The following EDC4 variants were observed in gnomAD, a reference collection of about 807,000 sequenced individuals.
EDC4 encodes the protein enhancer of mRNA-decapping protein 4.
EDC4 carries 64 observed loss-of-function variants against 155.8 expected under a neutral mutation model. That is an observed-to-expected ratio of 0.41 (90% confidence interval 0.34 to 0.51). The LOEUF (loss-of-function observed/expected upper bound fraction) is 0.51, where lower values mean the gene tolerates loss of function less well. Among genes scored for constraint, EDC4 ranks in the 20% least tolerant of loss-of-function variants. The pLI is 0.19. For missense variants in EDC4, 1,303 were observed against 1,812.5 expected, an observed-to-expected ratio of 0.72 and a Z score of 5.10; for synonymous variants, 684 against 716.8, an observed-to-expected ratio of 0.95 and a Z score of 0.73.
intron 1 of EDC4, among the ~76,000 whole-genome samples, chr16:67,873,654 C>A (rs956090701): frequency 6.6e-6 from 1 of 152,176 alleles, no homozygotes; most frequent in Non-Finnish European, 1.5e-5. Context: ...ACTGGCCTAG[C>A]TCCTCTTCCC....
At position 67,880,882 on chromosome 16, in the gene EDC4, C is replaced by A; in HGVS notation, c.2423C>A (p.Pro808His). ...GPGDGDRHNT[P>H]SLLEAALTQE... ...GGGGATGGAGATCGGCATAATACCCCCTCCCTCCTGGAGGCAGCCTTGACC... is the reference window on the plus strand; with the variant it reads ...GGGGATGGAGATCGGCATAATACCCACTCCCTCCTGGAGGCAGCCTTGACC... Residue 808 changes from proline (P) to histidine (H), a missense_variant, in exon 18 of 29, where the codon CCC becomes CAC. By Grantham distance (77) the Pro-to-His change is moderately conservative. Coordinates refer to ENST00000358933, the MANE Select transcript of EDC4 (RefSeq NM_014329.5). The surrounding 1 kb of genome is among the most constrained non-coding windows in gnomAD (Gnocchi z 5.2). 6.2e-7 allele frequency: 1 copy of A among 1,613,974 alleles called. No individual in the cohort carries two copies. Among genetic ancestry groups the A allele is most frequent in the Non-Finnish European group, 8.5e-7 (1 of 1,179,996 alleles).
Position 67,876,511 on chromosome 16 carries a change from C to G in EDC4, c.263C>G (p.Ser88Cys), listed in dbSNP as rs755334363. The G allele has an allele frequency of 1.9e-6, 3 of 1,614,140 alleles. No homozygotes were observed. The South Asian group carries it at 3.3e-5, about 18-fold the overall frequency. ...QVICLSGDDS[S>C]TCIGILAKEV... Reference sequence around the variant, plus strand: ...AGCTGTCTCTCAGGAGATGATAGCTCCACCTGCATTGGGATTTTGGCCAAG... The same window carrying G: ...AGCTGTCTCTCAGGAGATGATAGCTGCACCTGCATTGGGATTTTGGCCAAG... Residue 88 changes from serine (S) to cysteine (C), a missense_variant, in exon 3 of 29, where the codon TCC becomes TGC. Coordinates refer to ENST00000358933, the MANE Select transcript of EDC4 (RefSeq NM_014329.5). This position sits in a 1 kb window ranked among gnomAD's most constrained non-coding sequence, Gnocchi z 5.8.
Position 67,880,348 on chromosome 16 carries a change from C to A in EDC4, c.2097+132C>A. On this transcript the variant is annotated intron_variant, in intron 17 of 28. Coordinates refer to ENST00000358933, the MANE Select transcript of EDC4 (RefSeq NM_014329.5). This position sits in a 1 kb window ranked among gnomAD's most constrained non-coding sequence, Gnocchi z 5.2. The stretch of plus-strand genomic sequence containing the variant: ...GACATGGTCCGTGTTTCCCTGAGGT[C>A]ATTTCACCCTCCTGTGTTTCCTGGT... 2 of 1,413,306 alleles carry A rather than the reference C, an allele frequency of 1.4e-6. No homozygotes were observed. Among genetic ancestry groups the A allele is most frequent in the Non-Finnish European group, 1.9e-6 (2 of 1,057,570 alleles). The allele number at this position is 1,413,306 out of a possible 1,614,324, so 87.5% of individuals were successfully genotyped here.
rs1204309493 is a variant in EDC4 at position 67,883,922 on chromosome 16, C to T, written c.4014-34C>T. 1 of 1,562,000 alleles carries T rather than the reference C, an allele frequency of 6.4e-7. No homozygotes were observed. Among genetic ancestry groups the T allele is most frequent in the Admixed American group, 1.8e-5 (1 of 54,860 alleles). ...GGGGGCGCTCCCGTCTGCTGGCACC[C>T]ACCTGTAGCCTGTCCTTTCCCCCCC... On this transcript the variant is annotated intron_variant, in intron 28 of 28. Coordinates refer to ENST00000358933, the MANE Select transcript of EDC4 (RefSeq NM_014329.5). This position sits in a 1 kb window ranked among gnomAD's most constrained non-coding sequence, Gnocchi z 5.3.
At chr16:67,874,955 C>T (rs564368047) in intron 1 of EDC4, among the ~76,000 whole-genome samples, 1 of 152,180 alleles carries the variant, frequency 6.6e-6, no homozygotes, top group Non-Finnish European at 1.5e-5. Context: ...ATTAGGTGAG[C>T]TGTAATCCCA....
intron 1 of EDC4, among the ~76,000 whole-genome samples, chr16:67,873,973 GA>G (rs2058032021): frequency 6.6e-6 from 1 of 152,168 alleles, no homozygotes; most frequent in Admixed American, 6.5e-5. Flanking sequence ...TGATACCTCA[GA>G]ACTAGTCTTG....
In EDC4 at chr16:67,873,356, T is replaced by G; in HGVS notation, c.82+13T>G. 7.0e-7 allele frequency: 1 copy of G among 1,438,070 alleles called. No homozygotes were observed. The highest frequency in any genetic ancestry group is 9.1e-7 in the Non-Finnish European group (1 of 1,100,246). The allele number at this position is 1,438,070 out of a possible 1,614,324, so 89.1% of individuals were successfully genotyped here. The stretch of plus-strand genomic sequence containing the variant: ...CGGCCCGCGGGCGGTGAGCGGGGGT[T>G]GCGGGGGTGGGCCCCAGGCGAGCTG... On this transcript the variant is annotated intron_variant, in intron 1 of 28. Coordinates refer to ENST00000358933, the MANE Select transcript of EDC4 (RefSeq NM_014329.5).
Position 67,881,735 on chromosome 16 carries a change from G to A in EDC4, c.2894G>A (p.Arg965Gln), listed in dbSNP as rs763409752. 21 of 1,613,956 alleles carry A rather than the reference G, an allele frequency of 1.3e-5. No individual in the cohort carries two copies. Among genetic ancestry groups the A allele is most frequent in the South Asian group, 7.7e-5 (7 of 91,088 alleles). ...CAGCAGAGAGAGCTGGCAGAGCTGC[G>A]GCACAGCCAGGAAGAGCTGCTGCAG... is the stretch of plus-strand genomic sequence containing the variant. ...WQQQRELAEL[R>Q]HSQEELLQRL... is the part of the protein sequence containing the mutation. Residue 965 changes from arginine to glutamine, a missense_variant, in exon 22 of 29, where the codon CGG (arginine) becomes CAG (glutamine). Arg to Gln is a conservative substitution (Grantham distance 43). Transcript: ENST00000358933. The surrounding 1 kb of genome is among the most constrained non-coding windows in gnomAD (Gnocchi z 5.4).
intron 1 of EDC4, among the ~76,000 whole-genome samples, chr16:67,873,773 TC>T (rs2058031115): frequency 6.6e-6 from 1 of 152,128 alleles, no homozygotes; most frequent in Non-Finnish European, 1.5e-5. Flanking sequence ...CTTGCCCTTC[TC>T]TCTGGAATAA....
Position 67,883,994 on chromosome 16 carries a change from A to AC in EDC4, c.4056dup (p.Ile1353HisfsTer24). ...GCCGTGATGCACCTGGACCACAGTGACCCCATCACTCGGGACCACATGGGC... is the reference window on the plus strand; with the variant it reads ...GCCGTGATGCACCTGGACCACAGTGACCCCCATCACTCGGGACCACATGGGC... On this transcript the variant is annotated frameshift_variant, in exon 29 of 29. Transcript: ENST00000358933. LOFTEE classifies it high-confidence loss of function. This position sits in a 1 kb window ranked among gnomAD's most constrained non-coding sequence, Gnocchi z 5.3. 1 of 1,613,150 alleles carries AC rather than the reference A, an allele frequency of 6.2e-7. No homozygotes were observed. The highest frequency in any genetic ancestry group is 8.5e-7 in the Non-Finnish European group (1 of 1,179,440).
At position 67,880,463 on chromosome 16, in the gene EDC4, C is replaced by G; in HGVS notation, c.2098-94C>G. On this transcript the variant is annotated intron_variant, in intron 17 of 28. Coordinates refer to ENST00000358933, the MANE Select transcript of EDC4 (RefSeq NM_014329.5). This position sits in a 1 kb window ranked among gnomAD's most constrained non-coding sequence, Gnocchi z 5.2. ...TATCCCCACTTCCCTGCTGCCCTGT[C>G]TCTCATTACTGCTAATACTAATGCC... The G allele has an allele frequency of 4.0e-6, 6 of 1,493,724 alleles. No individual in the cohort carries two copies. In the South Asian group the frequency reaches 6.2e-5, roughly 16 times the overall value. The allele number at this position is 1,493,724 out of a possible 1,614,324, so 92.5% of individuals were successfully genotyped here.
chr16:67,873,233 G>A lies in EDC4; in HGVS notation c.-29G>A. Reference sequence around the variant, plus strand: ...GCGCGGCGGCGGCGGAACGAACGCGGTGCGGGCGGGGCGCCCGCCGCAGGG... The same window carrying A: ...GCGCGGCGGCGGCGGAACGAACGCGATGCGGGCGGGGCGCCCGCCGCAGGG... On this transcript the variant is annotated 5_prime_UTR_variant, in exon 1 of 29. In the 5' UTR this introduces an upstream ATG that the reference lacks. Coordinates refer to ENST00000358933, the MANE Select transcript of EDC4 (RefSeq NM_014329.5). 2.9e-6 allele frequency: 4 copies of A among 1,378,126 alleles called. No homozygotes were observed. Among genetic ancestry groups the A allele is most frequent in the South Asian group, 3.2e-5 (2 of 61,826 alleles). 85.4% of individuals were successfully genotyped at this position (1,378,126 alleles called of 1,614,324 possible).
chr16:67,882,391 G>C lies in EDC4; in HGVS notation c.3277-38G>C. Reference sequence around the variant, plus strand: ...CCTGGGCCTAGTCAGGCCAGGCTGGGCTCAGGCTTTCAACTTGGCCCCTCC... The same window carrying C: ...CCTGGGCCTAGTCAGGCCAGGCTGGCCTCAGGCTTTCAACTTGGCCCCTCC... On this transcript the variant is annotated intron_variant, in intron 24 of 28. Transcript: ENST00000358933. The surrounding 1 kb of genome is among the most constrained non-coding windows in gnomAD (Gnocchi z 7.2). 6.2e-7 allele frequency: 1 copy of C among 1,612,694 alleles called. No homozygotes were observed.
Position 67,881,990 on chromosome 16 carries a change from A to G in EDC4, c.3041A>G (p.Gln1014Arg). 6.2e-7 allele frequency: 1 copy of G among 1,610,696 alleles called. No individual in the cohort carries two copies. The highest frequency in any genetic ancestry group is 1.7e-5 in the Admixed American group (1 of 59,212). ...RLERALAEGQ[Q>R]RGGQLQEQLT... The stretch of plus-strand genomic sequence containing the variant: ...GAGCGAGCACTGGCTGAGGGGCAGC[A>G]GCGGGGAGGGCAGCTGCAGGAGCAG... Residue 1014 changes from glutamine (Q) to arginine (R), a missense_variant, in exon 23 of 29, where the codon CAG becomes CGG. By Grantham distance (43) the Gln-to-Arg change is conservative (BLOSUM62 1). Around this residue, in one of 5 missense-constraint regions of EDC4, gnomAD observed 527 missense variants for 757.0 expected, o/e 0.70. Coordinates refer to ENST00000358933, the MANE Select transcript of EDC4 (RefSeq NM_014329.5). The surrounding 1 kb of genome is among the most constrained non-coding windows in gnomAD (Gnocchi z 5.4).
Position 67,876,026 on chromosome 16 carries a change from C to T in EDC4, c.164C>T (p.Ser55Leu). 6.2e-7 allele frequency: 1 copy of T among 1,614,204 alleles called. No homozygotes were observed. ...NGLLVPDPLC[S>L]GDSTSANKTG... is the part of the protein sequence containing the mutation. ...CTTCTGGTCCCAGACCCGCTCTGCT[C>T]AGGTGATAGTACCTCAGCAAACAAG... The change falls in exon 2 of 29, where the codon TCA becomes TTA. Residue 55 changes from serine (S) to leucine (L), a missense_variant. This residue lies in a region of EDC4 where 99 missense variants were observed against 121.3 expected (regional missense o/e 0.82). Transcript: ENST00000358933. This position sits in a 1 kb window ranked among gnomAD's most constrained non-coding sequence, Gnocchi z 5.8.
In EDC4 at chr16:67,879,185, TG is replaced by T; in HGVS notation, c.1468+49del. The T allele has an allele frequency of 6.2e-7, 1 of 1,614,174 alleles. No homozygotes were observed. The highest frequency in any genetic ancestry group is 2.2e-5 in the East Asian group (1 of 44,876). The stretch of plus-strand genomic sequence containing the variant: ...CTATGTGTCCATATATCTAGGGGGT[TG>T]TGGAGGCACAGAGAGGGCCAGGGGC... On this transcript the variant is annotated intron_variant, in intron 12 of 28. Transcript: ENST00000358933. This position sits in a 1 kb window ranked among gnomAD's most constrained non-coding sequence, Gnocchi z 6.0.
Position 67,878,877 on chromosome 16 carries a change from T to C in EDC4, c.1287+38T>C. On this transcript the variant is annotated intron_variant, in intron 11 of 28. Coordinates refer to ENST00000358933, the MANE Select transcript of EDC4 (RefSeq NM_014329.5). This position sits in a 1 kb window ranked among gnomAD's most constrained non-coding sequence, Gnocchi z 5.2. ...GGGGTACCCTGGGCAGAGTTGGGATTATAGAGGAAGGCCGGGGGGCAGGTG... is the reference window on the plus strand; with the variant it reads ...GGGGTACCCTGGGCAGAGTTGGGATCATAGAGGAAGGCCGGGGGGCAGGTG... The C allele has an allele frequency of 6.2e-7, 1 of 1,611,838 alleles. No individual in the cohort carries two copies. Among genetic ancestry groups the C allele is most frequent in the South Asian group, 1.1e-5 (1 of 91,074 alleles).
rs1444311968 is a variant in EDC4 at position 67,880,575 on chromosome 16, G to A, written c.2116G>A (p.Ala706Thr). 3.1e-6 allele frequency: 5 copies of A among 1,613,848 alleles called. No individual in the cohort carries two copies. Among genetic ancestry groups the A allele is most frequent in the Non-Finnish European group, 4.2e-6 (5 of 1,179,964 alleles). Residue 706 changes from alanine (A) to threonine (T), a missense_variant, in exon 18 of 29, where the codon GCA becomes ACA. Ala to Thr is a moderately conservative substitution (Grantham distance 58). Around this residue, in one of 5 missense-constraint regions of EDC4, gnomAD observed 391 missense variants for 445.4 expected, o/e 0.88. Transcript: ENST00000358933. The surrounding 1 kb of genome is among the most constrained non-coding windows in gnomAD (Gnocchi z 5.2). Reference sequence around the variant, plus strand: ...ACCTCAGGTGCCTACTGCCACCTCTGCACTGTCCCTGGAGCTGCAGGAAGT... The same window carrying A: ...ACCTCAGGTGCCTACTGCCACCTCTACACTGTCCCTGGAGCTGCAGGAAGT... ...GPGQVPTATS[A>T]LSLELQEVEP...
Position 67,883,807 on chromosome 16 carries a change from C to T in EDC4, c.4013+76C>T. On this transcript the variant is annotated intron_variant, in intron 28 of 28. Coordinates refer to ENST00000358933, the MANE Select transcript of EDC4 (RefSeq NM_014329.5). The surrounding 1 kb of genome is among the most constrained non-coding windows in gnomAD (Gnocchi z 5.3). ...GGGAGGGAGCAGTTTGAAGCTGACG[C>T]CCACTTCTGCCTGAATCCTCTCCCT... 1 of 1,566,034 alleles carries T rather than the reference C, an allele frequency of 6.4e-7. No individual in the cohort carries two copies. The highest frequency in any genetic ancestry group is 8.7e-7 in the Non-Finnish European group (1 of 1,145,878).
Sources: gnomAD v4.1 joint callset for allele counts (sites outside exome capture counted in the v4.1 genomes callset) on GRCh38, gnomAD v4.1.1 for gene constraint, gnomAD v4.1.1 regional missense constraint, Gnocchi (gnomAD v3.1) non-coding constraint, MANE v1.5 for transcripts, NCBI Gene and HGNC (gene_info 2026-07-23, HGNC 2026-07-21) for gene names.